The following PTPRN2 variants were observed in gnomAD, a reference collection of about 807,000 sequenced individuals.
PTPRN2 encodes the protein receptor-type tyrosine-protein phosphatase N2.
Under a neutral mutation model 118.8 loss-of-function variants are expected in PTPRN2, and 74 were observed. The ratio of observed to expected loss-of-function variants is 0.62; its 90% CI spans 0.52 to 0.76. The LOEUF is 0.76. Among genes scored for constraint, PTPRN2 ranks in the 30% least tolerant of loss-of-function variants. PTPRN2 has a pLI of 0.00. For missense variants in PTPRN2, 1,481 were observed against 1,394.4 expected (o/e 1.06, Z -0.99); for synonymous variants, 641 against 608.0 (o/e 1.05, Z -0.80).
chr7:158,038,991 A>G (rs1240770632), intron 11 of PTPRN2, among the ~76,000 whole-genome samples: 1 of 152,166 alleles, frequency 6.6e-6, no homozygotes, highest in Non-Finnish European at 1.5e-5. Context: ...GTAATAAGAT[A>G]CAAGTTTATG....
In PTPRN2 at chr7:158,309,140, T is replaced by C. The variant is rs554690575; in HGVS notation, c.277+7679A>G. Among the ~76,000 whole-genome samples, 5 of 152,314 alleles carry C rather than the reference T, an allele frequency of 3.3e-5. No homozygotes were observed. In the South Asian group the frequency reaches 6.2e-4, roughly 19 times the overall value. On this transcript the variant is annotated intron_variant, in intron 3 of 22. Coordinates refer to ENST00000389418, the MANE Select transcript of PTPRN2 (RefSeq NM_002847.5). Reference sequence around the variant, plus strand: ...AATTAACTTGATGTGATGGTTAATATTGAGTGTCAACCTGATGGGATTGAA... The same window carrying C: ...AATTAACTTGATGTGATGGTTAATACTGAGTGTCAACCTGATGGGATTGAA...
intron 13 of PTPRN2, among the ~76,000 whole-genome samples, chr7:157,659,180 T>A (rs1006049257): frequency 1.3e-5 from 2 of 151,110 alleles, no homozygotes; most frequent in Non-Finnish European, 3.0e-5. Context: ...TTCGGACTCA[T>A]AGCGAGATAC....
intron 2 of PTPRN2, among the ~76,000 whole-genome samples, chr7:158,334,422 C>T (rs371705835): frequency 3.8e-3 from 52 of 13,536 alleles, no homozygotes; most frequent in Non-Finnish European, 7.3e-3. Flanking sequence ...AACCTGCAGA[C>T]GTCACTCACA....
chr7:158,333,739 T>G (rs1283594536), intron 2 of PTPRN2, among the ~76,000 whole-genome samples: 2 of 68,278 alleles, frequency 2.9e-5, no homozygotes, highest in Admixed American at 1.5e-4. Context: ...CTCACACACA[T>G]ACTCTCACCA....
At chr7:158,166,218 A>G (rs7787039) in intron 6 of PTPRN2, among the ~76,000 whole-genome samples, 44,958 of 54,408 alleles carry the variant, frequency 0.83, 19,003 homozygotes, top group African/African-American at 0.94. Flanking sequence ...AAGGGAACAC[A>G]CACTGTCCTC....
chr7:158,482,425 G>T (rs911030551), intron 2 of PTPRN2, among the ~76,000 whole-genome samples: 1 of 152,136 alleles, frequency 6.6e-6, no homozygotes, highest in Admixed American at 6.5e-5. Context: ...AAGCAACCAC[G>T]GCCCTGATCA....
At chr7:158,280,789 T>C (rs1001210562) in intron 3 of PTPRN2, among the ~76,000 whole-genome samples, 1 of 152,218 alleles carries the variant, frequency 6.6e-6, no homozygotes, top group African/African-American at 2.4e-5. Flanking sequence ...AGCTCAACTG[T>C]CTAAAGTAGA....
intron 14 of PTPRN2, among the ~76,000 whole-genome samples, chr7:157,643,930 C>T (rs1804865339): frequency 6.6e-6 from 1 of 152,254 alleles, no homozygotes; most frequent in African/African-American, 2.4e-5. Context: ...TCGCCGCACG[C>T]TCAGCTCACC....
At chr7:157,735,418 A>G (rs1205941094) in intron 12 of PTPRN2, among the ~76,000 whole-genome samples, 7 of 152,034 alleles carry the variant, frequency 4.6e-5, no homozygotes, top group African/African-American at 7.3e-5. Flanking sequence ...AGTGCATCTG[A>G]CTTTGCTGGT....
At chr7:158,330,844 C>G (rs558673543) in intron 2 of PTPRN2, among the ~76,000 whole-genome samples, 3 of 104,268 alleles carry the variant, frequency 2.9e-5, no homozygotes, top group South Asian at 4.1e-4. Context: ...CATCCACATT[C>G]TCACCATAAG....
At chr7:157,738,192 A>G (rs1278389274) in intron 12 of PTPRN2, among the ~76,000 whole-genome samples, 1 of 152,382 alleles carries the variant, frequency 6.6e-6, no homozygotes, top group East Asian at 1.9e-4. Context: ...GTGGCCGTAC[A>G]CAATAAGCTC....
At position 157,827,002 on chromosome 7, in the gene PTPRN2, G is replaced by C. The variant is rs183030880; in HGVS notation, c.1788+71671C>G. 3.5e-4 allele frequency among the ~76,000 whole-genome samples: 53 copies of C among 152,262 alleles called. 1 individual carries two copies. The highest frequency in any genetic ancestry group is 3.2e-3 in the Admixed American group (49 of 15,302). Reference sequence around the variant, plus strand: ...CAAGTTGTCCTGCATCTCCGACCGTGTCCCCAGCAGACACATTGCACTAGA... The same window carrying C: ...CAAGTTGTCCTGCATCTCCGACCGTCTCCCCAGCAGACACATTGCACTAGA... On this transcript the variant is annotated intron_variant, in intron 12 of 22. Coordinates refer to ENST00000389418, the MANE Select transcript of PTPRN2 (RefSeq NM_002847.5).
At chr7:158,271,756 G>A (rs1798529243) in intron 3 of PTPRN2, among the ~76,000 whole-genome samples, 1 of 152,214 alleles carries the variant, frequency 6.6e-6, no homozygotes, top group East Asian at 1.9e-4. Context: ...TTTTGGTTGG[G>A]CCTTCCCCTG....
intron 6 of PTPRN2, among the ~76,000 whole-genome samples, chr7:158,143,914 A>T (rs1210582670): frequency 6.6e-6 from 1 of 152,110 alleles, no homozygotes; most frequent in Non-Finnish European, 1.5e-5. Context: ...CTGAGCTCCC[A>T]GGCAGCAGAG....
Position 157,898,732 on chromosome 7 carries a change from T to C in PTPRN2, c.1729A>G (p.Asn577Asp). The change falls in exon 12 of 23, where the codon AAC becomes GAC. Residue 577 changes from asparagine (N) to aspartate (D), a missense_variant. Coordinates refer to ENST00000389418, the MANE Select transcript of PTPRN2 (RefSeq NM_002847.5). ...TEDVEKATVD[N>D]KDKLEETSGL... ...GAGGTTTCCTCCAGTTTGTCTTTGT[T>C]GTCAACTGTTAGGAAAAATCAGAAA... 1 of 1,604,670 alleles carries C rather than the reference T, an allele frequency of 6.2e-7. No individual in the cohort carries two copies.
intron 5 of PTPRN2, among the ~76,000 whole-genome samples, chr7:158,188,759 C>T (rs1173794463): frequency 6.6e-6 from 1 of 151,650 alleles, no homozygotes; most frequent in African/African-American, 2.4e-5. Flanking sequence ...GGAAGGCCGC[C>T]ACGCTCACCC....
intron 1 of PTPRN2, among the ~76,000 whole-genome samples, chr7:158,519,095 C>T (rs1009646518): frequency 6.6e-6 from 1 of 152,218 alleles, no homozygotes; most frequent in African/African-American, 2.4e-5. Flanking sequence ...CCCCAAAGCA[C>T]TGCAGCAGAG....
At chr7:158,408,329 A>C (rs1270869417) in intron 2 of PTPRN2, among the ~76,000 whole-genome samples, 2 of 152,252 alleles carry the variant, frequency 1.3e-5, no homozygotes, top group Admixed American at 6.5e-5. Context: ...CAAAAGTATA[A>C]AGGATGATTT....
intron 9 of PTPRN2, among the ~76,000 whole-genome samples, chr7:158,131,830 A>T (rs927020930): frequency 6.6e-6 from 1 of 150,696 alleles, no homozygotes; most frequent in Non-Finnish European, 1.5e-5. Context: ...AAATACACAC[A>T]TCTACCCAAC....
Sources: gnomAD v4.1 joint callset for allele counts (sites outside exome capture counted in the v4.1 genomes callset) on GRCh38, gnomAD v4.1.1 for gene constraint, MANE v1.5 for transcripts, NCBI Gene and HGNC (gene_info 2026-07-23, HGNC 2026-07-21) for gene names.